Variants in CPXM2 observed in about 807,000 individuals in gnomAD.
CPXM2 encodes inactive carboxypeptidase-like protein X2.
A neutral mutation model predicts 86.1 loss-of-function variants in CPXM2; 66 were observed. The ratio of observed to expected loss-of-function variants is 0.77; its 90% CI spans 0.63 to 0.94. The LOEUF is 0.94. Among genes scored for constraint, CPXM2 ranks in the 40% least tolerant of loss-of-function variants. The pLI is 0.00. For missense variants in CPXM2, 948 were observed against 1,026.3 expected, an observed-to-expected ratio of 0.92 and a Z score of 1.04; for synonymous variants, 388 against 400.2, an observed-to-expected ratio of 0.97 and a Z score of 0.36.
upstream of CPXM2, among the ~76,000 whole-genome samples, chr10:123,895,486 T>C (rs892760741): frequency 1.3e-5 from 2 of 152,228 alleles, no homozygotes; most frequent in Admixed American, 1.3e-4. Flanking sequence ...TATAATATGC[T>C]AACTTTGCAT....
intron 4 of CPXM2, among the ~76,000 whole-genome samples, chr10:123,812,407 A>G (rs753783538): frequency 6.6e-6 from 1 of 152,202 alleles, no homozygotes; most frequent in Non-Finnish European, 1.5e-5. Flanking sequence ...TATGTAATAC[A>G]TATGTGACAA....
rs755279381 is a variant in CPXM2 at position 123,798,164 on chromosome 10, T to C, written c.739-38A>G. On this transcript the variant is annotated intron_variant, in intron 5 of 13. Coordinates refer to ENST00000241305, the MANE Select transcript of CPXM2 (RefSeq NM_198148.3). ...ATGGGAGAAAAGGAAAATCTTTTAG[T>C]GCTTAATTACCAAGGGATAAAAAGT... 4.5e-6 allele frequency: 7 copies of C among 1,545,056 alleles called. No individual in the cohort carries two copies. In the East Asian group the frequency reaches 9.4e-5, roughly 21 times the overall value.
At chr10:123,930,745 G>A (rs564622587) in intron 2 of CPXM2, among the ~76,000 whole-genome samples, 11 of 152,320 alleles carry the variant, frequency 7.2e-5, no homozygotes, top group Middle Eastern at 3.4e-3. Flanking sequence ...CCAGTGAGTC[G>A]ATCCAATGAA....
In CPXM2 at chr10:123,762,134, C is replaced by G. The variant is rs987912217; in HGVS notation, c.1515G>C (p.Met505Ile). Residue 505 changes from methionine (M) to isoleucine (I), a missense_variant, in exon 11 of 14, where the codon ATG becomes ATC. Coordinates refer to ENST00000241305, the MANE Select transcript of CPXM2 (RefSeq NM_198148.3). ...CGCCCAGCACAAAAGGGATTTTTTCCATCCAGGCTATGACTGCTCTGGTCT... is the reference window on the plus strand; with the variant it reads ...CGCCCAGCACAAAAGGGATTTTTTCGATCCAGGCTATGACTGCTCTGGTCT... Reference protein sequence around the residue: ...AAETRAVIAWMEKIPFVLGGN... With the variant: ...AAETRAVIAWIEKIPFVLGGN... 1 of 1,614,050 alleles carries G rather than the reference C, an allele frequency of 6.2e-7. No individual in the cohort carries two copies. The highest frequency in any genetic ancestry group is 1.3e-5 in the African/African-American group (1 of 74,930).
At chr10:123,943,975 G>A (rs184573822), upstream of CPXM2, among the ~76,000 whole-genome samples, 2 of 152,326 alleles carry the variant, frequency 1.3e-5, no homozygotes, top group Non-Finnish European at 2.9e-5. Context: ...AGAGACCATC[G>A]TCATCGTGGT....
At chr10:123,864,254 T>C (rs938984340) in intron 2 of CPXM2, among the ~76,000 whole-genome samples, 2 of 150,576 alleles carry the variant, frequency 1.3e-5, no homozygotes, top group Non-Finnish European at 3.0e-5. Flanking sequence ...CCCCACCCAC[T>C]GAGAGAGAGA....
chr10:123,906,927 G>A (rs903821472), intron 2 of CPXM2, among the ~76,000 whole-genome samples: 1 of 152,146 alleles, frequency 6.6e-6, no homozygotes, highest in South Asian at 2.1e-4. Flanking sequence ...ACCAGCTCTT[G>A]TCTTCTTCAG....
Position 123,890,868 on chromosome 10 carries a change from T to G in CPXM2, c.304+488A>C, listed in dbSNP as rs539785242. Among the ~76,000 whole-genome samples, 9 of 151,180 alleles carry G rather than the reference T, an allele frequency of 6.0e-5. 1 individual carries two copies. Among genetic ancestry groups the G allele is most frequent in the Admixed American group, 5.9e-4 (9 of 15,208 alleles). On this transcript the variant is annotated intron_variant, in intron 1 of 13. Coordinates refer to ENST00000241305, the MANE Select transcript of CPXM2 (RefSeq NM_198148.3). The stretch of plus-strand genomic sequence containing the variant: ...GAGGACCCAAGAGACCCGCTGAGAG[T>G]GGGAAGGAGGGAGCTGAGAAGGGAC...
At chr10:123,814,129 G>A (rs915931040) in intron 4 of CPXM2, among the ~76,000 whole-genome samples, 4 of 152,192 alleles carry the variant, frequency 2.6e-5, no homozygotes, top group African/African-American at 9.6e-5. Context: ...AATACTGAGT[G>A]TCAACTTGAT....
chr10:123,896,814 C>G (rs2134257066), upstream of CPXM2, among the ~76,000 whole-genome samples: 1 of 152,298 alleles, frequency 6.6e-6, no homozygotes, highest in South Asian at 2.1e-4. Flanking sequence ...TGTTTCTTGG[C>G]CACCTACTAT....
At chr10:123,892,905 C>T (rs775620975), upstream of CPXM2, among the ~76,000 whole-genome samples, 2 of 152,188 alleles carry the variant, frequency 1.3e-5, no homozygotes, top group African/African-American at 4.8e-5. Context: ...GGTCCTCGCA[C>T]GTGGGCCCGG....
intron 2 of CPXM2, among the ~76,000 whole-genome samples, chr10:123,937,428 A>C (rs1945730898): frequency 6.6e-6 from 1 of 151,272 alleles, no homozygotes; most frequent in South Asian, 2.1e-4. Context: ...GCCAACAGGC[A>C]TCCCCAGCTT....
chr10:123,932,925 T>A (rs909267210), intron 2 of CPXM2, among the ~76,000 whole-genome samples: 1 of 152,198 alleles, frequency 6.6e-6, no homozygotes, highest in Non-Finnish European at 1.5e-5. Context: ...TAAAGCATTG[T>A]AAGCCATAAC....
intron 4 of CPXM2, among the ~76,000 whole-genome samples, chr10:123,832,981 G>A (rs1323498926): frequency 6.6e-6 from 1 of 152,160 alleles, no homozygotes; most frequent in Admixed American, 6.5e-5. Flanking sequence ...CCCCTCTGGA[G>A]GATGCAGCAA....
At chr10:123,869,053 C>T (rs940942004) in intron 2 of CPXM2, among the ~76,000 whole-genome samples, 11 of 151,814 alleles carry the variant, frequency 7.2e-5, no homozygotes, top group Admixed American at 1.3e-4. Context: ...CTAAGAAAAA[C>T]GGAGGAGAAG....
At chr10:123,919,288 A>C (rs1428788795) in intron 2 of CPXM2, among the ~76,000 whole-genome samples, 2 of 152,236 alleles carry the variant, frequency 1.3e-5, no homozygotes, top group Non-Finnish European at 2.9e-5. Flanking sequence ...AACCAGCTTG[A>C]TTACCTGCTA....
chr10:123,751,693 G>T (rs1846080284), intron 13 of CPXM2: 1 of 985,226 alleles, frequency 1.0e-6, no homozygotes, highest in African/African-American at 1.7e-5. Context: ...TTTATTTTAT[G>T]CAAAATCCAT....
chr10:123,787,766 C>T (rs1351687413), intron 6 of CPXM2, among the ~76,000 whole-genome samples: 1 of 152,060 alleles, frequency 6.6e-6, no homozygotes, highest in African/African-American at 2.4e-5. Context: ...GGCTCACCTG[C>T]AACCCAGAAG....
chr10:123,939,834 T>C (rs1945757708), intron 1 of CPXM2, among the ~76,000 whole-genome samples: 1 of 152,092 alleles, frequency 6.6e-6, no homozygotes, highest in Non-Finnish European at 1.5e-5. Context: ...TGATCAGGGC[T>C]CTCTGACAGC....
Sources: gnomAD v4.1 joint callset for allele counts (sites outside exome capture counted in the v4.1 genomes callset) on GRCh38, gnomAD v4.1.1 for gene constraint, MANE v1.5 for transcripts, NCBI Gene and HGNC (gene_info 2026-07-23, HGNC 2026-07-21) for gene names.